Variants in PXDNL observed in about 807,000 individuals in gnomAD.
PXDNL encodes the protein probable oxidoreductase PXDNL.
In PXDNL, 145 loss-of-function variants were observed where a neutral mutation model predicts 150.8. That is an observed-to-expected ratio of 0.96 (90% CI 0.84 to 1.10). The LOEUF (loss-of-function observed/expected upper bound fraction) is 1.10, where lower values mean the gene tolerates loss of function less well. PXDNL is among the 50% of genes least tolerant of loss of function. The probability of loss-of-function intolerance (pLI) is 0.00; values close to 1 mark genes in which losing one functional copy is unlikely to be tolerated. For synonymous variants in PXDNL, 757 were observed against 725.7 expected (o/e 1.04, Z -0.69); for missense variants, 2,087 against 1,873.9 (o/e 1.11, Z -2.10).
intron 21 of PXDNL, among the ~76,000 whole-genome samples, chr8:51,328,672 G>T (rs142714264): frequency 5.3e-4 from 80 of 152,234 alleles, no homozygotes; most frequent in African/African-American, 1.7e-3. Context: ...AAAACTAACA[G>T]AAAATCTAAG....
intron 2 of PXDNL, among the ~76,000 whole-genome samples, chr8:51,611,920 C>T (rs1016726074): frequency 2.0e-5 from 3 of 152,176 alleles, no homozygotes; most frequent in Non-Finnish European, 4.4e-5. Flanking sequence ...GGGGCACCAG[C>T]GATGGGCAGC....
chr8:51,396,574 T>C (rs1445151229), intron 17 of PXDNL, among the ~76,000 whole-genome samples: 1 of 152,120 alleles, frequency 6.6e-6, no homozygotes, highest in Non-Finnish European at 1.5e-5. Flanking sequence ...CTGACCAACA[T>C]GGAGAAACTC....
intron 1 of PXDNL, among the ~76,000 whole-genome samples, chr8:51,776,645 T>A (rs1193334649): frequency 6.6e-6 from 1 of 152,110 alleles, no homozygotes; most frequent in Non-Finnish European, 1.5e-5. Context: ...GCTAGTCCAG[T>A]GGTAGCAAGA....
intron 19 of PXDNL, among the ~76,000 whole-genome samples, chr8:51,352,914 T>C (rs1385534390): frequency 6.6e-6 from 1 of 152,116 alleles, no homozygotes; most frequent in East Asian, 1.9e-4. Context: ...TACCCATGGA[T>C]AGACAGAGTG....
chr8:51,572,172 T>C (rs73588737), intron 3 of PXDNL, among the ~76,000 whole-genome samples: 3,808 of 151,934 alleles, frequency 0.025, 145 homozygotes, highest in African/African-American at 0.087. Context: ...ATAAAAGTAA[T>C]CAATGCATAA....
chr8:51,744,729 AAAGAAAG>A (rs1320700588), intron 1 of PXDNL, among the ~76,000 whole-genome samples: 1 of 1,982 alleles, frequency 5.0e-4, no homozygotes, highest in African/African-American at 9.1e-4. Flanking sequence ...GAGAAAAAGA[AAAGAAAG>A]AAAGAGAAAA....
intron 1 of PXDNL, among the ~76,000 whole-genome samples, chr8:51,775,974 C>T (rs928764077): frequency 6.6e-5 from 10 of 152,136 alleles, no homozygotes; most frequent in Non-Finnish European, 4.4e-5. Flanking sequence ...AAAGAGAATG[C>T]GTTCCCAAGG....
At chr8:51,389,442 G>A (rs768995133) in intron 17 of PXDNL, among the ~76,000 whole-genome samples, 1 of 152,058 alleles carries the variant, frequency 6.6e-6, no homozygotes, top group African/African-American at 2.4e-5. Flanking sequence ...TGATGGGAAG[G>A]CATTTTCTAG....
chr8:51,700,372 T>C (rs767365702), intron 1 of PXDNL, among the ~76,000 whole-genome samples: 7 of 151,662 alleles, frequency 4.6e-5, no homozygotes, highest in Non-Finnish European at 1.0e-4. Context: ...TATATGCACA[T>C]GTATAGACAC....
At chr8:51,362,062 T>C (rs1343319010) in intron 19 of PXDNL, among the ~76,000 whole-genome samples, 1 of 152,108 alleles carries the variant, frequency 6.6e-6, no homozygotes, top group Non-Finnish European at 1.5e-5. Flanking sequence ...TTAATATCTT[T>C]ACTGTTTTTT....
chr8:51,328,745 G>A (rs747016981), intron 21 of PXDNL, among the ~76,000 whole-genome samples: 1 of 152,116 alleles, frequency 6.6e-6, no homozygotes, highest in African/African-American at 2.4e-5. Flanking sequence ...GTCTTAGTGA[G>A]GTAAGGTATT....
chr8:51,322,811 T>C (rs1366831686), intron 21 of PXDNL, among the ~76,000 whole-genome samples: 1 of 152,280 alleles, frequency 6.6e-6, no homozygotes, highest in South Asian at 2.1e-4. Flanking sequence ...GACAGGAGGG[T>C]TGGTTCTTGG....
chr8:51,784,873 T>A lies in PXDNL; in HGVS notation c.164+24308A>T, dbSNP rs370266734. The stretch of plus-strand genomic sequence containing the variant: ...CACAAAATCACTCATTTAACCCCCC[T>A]CTTTTTAGCAGGAAAAATTATATTT... On this transcript the variant is annotated intron_variant, in intron 1 of 22. Transcript: ENST00000356297. Among the ~76,000 whole-genome samples, 31 of 152,322 alleles carry A rather than the reference T, an allele frequency of 2.0e-4. 1 individual carries two copies. The highest frequency in any genetic ancestry group is 7.0e-4 in the African/African-American group (29 of 41,592).
At chr8:51,363,413 GCT>G (rs1389417341) in intron 19 of PXDNL, among the ~76,000 whole-genome samples, 3 of 152,110 alleles carry the variant, frequency 2.0e-5, no homozygotes, top group African/African-American at 7.2e-5. Context: ...GAAAAACCGA[GCT>G]CTCTGAGTGA....
chr8:51,342,948 T>C (rs919595923), intron 20 of PXDNL, among the ~76,000 whole-genome samples: 5 of 142,904 alleles, frequency 3.5e-5, no homozygotes, highest in Non-Finnish European at 6.1e-5. Context: ...CCATAGAGAG[T>C]GGTGGGTGAT....
At chr8:51,557,843 C>A (rs1812630028) in intron 3 of PXDNL, among the ~76,000 whole-genome samples, 1 of 152,118 alleles carries the variant, frequency 6.6e-6, no homozygotes, top group African/African-American at 2.4e-5. Context: ...GACTGATTTT[C>A]TATAATTTGC....
chr8:51,409,414 A>T lies in PXDNL; in HGVS notation c.2210T>A (p.Leu737Gln), dbSNP rs1460180117. Residue 737 changes from leucine to glutamine, a missense_variant, in exon 17 of 23, where the codon CTG (leucine) becomes CAG (glutamine). Physicochemically the swap from Leu to Gln is moderately radical, Grantham distance 113. Coordinates refer to ENST00000356297, the MANE Select transcript of PXDNL (RefSeq NM_144651.5). Reference sequence around the variant, plus strand: ...CGCCGCGCCCCACGTGGGCTGCTGCAGGTTGTTGCACGTGCCGTCGTGGGC... The same window carrying T: ...CGCCGCGCCCCACGTGGGCTGCTGCTGGTTGTTGCACGTGCCGTCGTGGGC... ...YRAHDGTCNN[L>Q]QQPTWGAALT... 2.5e-6 allele frequency: 4 copies of T among 1,611,582 alleles called. No homozygotes were observed. The highest frequency in any genetic ancestry group is 3.4e-6 in the Non-Finnish European group (4 of 1,179,428).
chr8:51,372,025 TGCTTCA>T lies in PXDNL; in HGVS notation c.3743_3748del (p.Leu1248_Lys1249del). 6.2e-7 allele frequency: 1 copy of T among 1,611,576 alleles called. No homozygotes were observed. On this transcript the variant is annotated inframe_deletion, in exon 19 of 23. Transcript: ENST00000356297. ...ACAAAGCACCCGGCTCAGGGACGCC[TGCTTCA>T]GCTGAGTGAGTTGTGCCGGGGTAAA... is the stretch of plus-strand genomic sequence containing the variant.
intron 1 of PXDNL, among the ~76,000 whole-genome samples, chr8:51,723,040 C>T (rs1816759389): frequency 6.6e-6 from 1 of 151,582 alleles, no homozygotes; most frequent in Non-Finnish European, 1.5e-5. Context: ...TGCAAAATGG[C>T]CTCAAGAATT....
Sources: gnomAD v4.1 joint callset for allele counts (sites outside exome capture counted in the v4.1 genomes callset) on GRCh38, gnomAD v4.1.1 for gene constraint, MANE v1.5 for transcripts, NCBI Gene and HGNC (gene_info 2026-07-23, HGNC 2026-07-21) for gene names.